The following EEIG2 variants were observed in gnomAD, a reference collection of about 807,000 sequenced individuals.
EEIG2 encodes EEIG family member 2.
At chr1:108,560,269 G>A in the EEIG2 span, 1 of 284,448 alleles carries the variant, frequency 3.5e-6, no homozygotes, top group African/African-American at 2.3e-5. Context: ...GAGAGGCGGC[G>A]GCAGCGGCCC....
chr1:108,639,279 ATAATG>A, the EEIG2 span: 4 of 150,324 alleles, frequency 2.7e-5, no homozygotes, highest in African/African-American at 7.4e-5. Context: ...AATGTTTGTA[ATAATG>A]TAAAGGTGAA....
the EEIG2 span, among the ~76,000 whole-genome samples, chr1:108,596,737 G>GTTT: frequency 2.0e-5 from 3 of 150,158 alleles, no homozygotes; most frequent in African/African-American, 7.3e-5. Context: ...CTATTTTTCT[G>GTTT]TTTTTTTGTT....
chr1:108,628,597 T>C, the EEIG2 span: 4 of 1,586,868 alleles, frequency 2.5e-6, no homozygotes, highest in Non-Finnish European at 3.4e-6. Flanking sequence ...ATCCTTTTAG[T>C]TTAAAGAATA....
the EEIG2 span, among the ~76,000 whole-genome samples, chr1:108,579,507 C>T: frequency 2.7e-5 from 4 of 146,764 alleles, no homozygotes; most frequent in African/African-American, 5.0e-5. Context: ...TTTAACACCC[C>T]ACTGTCAGCA....
the EEIG2 span, chr1:108,560,107 CGGCAGCGGCGGCGGA>C: frequency 1.6e-4 from 29 of 178,380 alleles, no homozygotes; most frequent in African/African-American, 6.6e-4. Context: ...CCCAGACGGG[CGGCAGCGGCGGCGGA>C]GGCGGCGGCG....
chr1:108,634,108 G>A, the EEIG2 span, among the ~76,000 whole-genome samples: 1 of 152,068 alleles, frequency 6.6e-6, no homozygotes, highest in Non-Finnish European at 1.5e-5. Flanking sequence ...ATATAAGGCA[G>A]GAGGGAAAAT....
chr1:108,620,801 C>G, the EEIG2 span, among the ~76,000 whole-genome samples: 1 of 152,126 alleles, frequency 6.6e-6, no homozygotes, highest in African/African-American at 2.4e-5. Flanking sequence ...TATTGATTGC[C>G]TGCCACATGC....
chr1:108,604,776 C>G, the EEIG2 span, among the ~76,000 whole-genome samples: 1 of 151,140 alleles, frequency 6.6e-6, no homozygotes, highest in Admixed American at 6.6e-5. Flanking sequence ...CACCTGTAAT[C>G]CCAGCAATTT....
chr1:108,580,937 CAGCCATCTAAGACTTTTGT>C, the EEIG2 span, among the ~76,000 whole-genome samples: 1 of 152,156 alleles, frequency 6.6e-6, no homozygotes, highest in Non-Finnish European at 1.5e-5. Flanking sequence ...GTAGACAAAA[CAGCCATCTAAGACTTTTGT>C]AGCTAGAGAG....
the EEIG2 span, chr1:108,616,252 C>T: frequency 1.5e-6 from 1 of 682,578 alleles, no homozygotes; most frequent in East Asian, 2.9e-5. Context: ...GCCTTAGCCT[C>T]CCGTGGATAT....
chr1:108,583,278 A>G, the EEIG2 span, among the ~76,000 whole-genome samples: 1 of 151,840 alleles, frequency 6.6e-6, no homozygotes. Context: ...CTGAGTAGCT[A>G]GGACTACAGG....
At chr1:108,572,578 G>A in the EEIG2 span, among the ~76,000 whole-genome samples, 2 of 151,692 alleles carry the variant, frequency 1.3e-5, no homozygotes, top group African/African-American at 2.4e-5. Context: ...CTTTTCATTC[G>A]TCTTTCTCCT....
chr1:108,635,835 G>A, the EEIG2 span: 1 of 152,314 alleles, frequency 6.6e-6, no homozygotes, highest in East Asian at 1.9e-4. Context: ...ATTAATATTA[G>A]ATGAGCTGCA....
At chr1:108,604,619 G>C in the EEIG2 span, among the ~76,000 whole-genome samples, 1 of 152,174 alleles carries the variant, frequency 6.6e-6, no homozygotes, top group African/African-American at 2.4e-5. Context: ...CGAAGAAAAT[G>C]ATGCAACAAA....
chr1:108,628,865 C>G, the EEIG2 span: 1 of 1,515,156 alleles, frequency 6.6e-7, no homozygotes, highest in Non-Finnish European at 9.0e-7. Flanking sequence ...TCTGTGTAGT[C>G]AGCAGTAAAG....
the EEIG2 span, chr1:108,636,374 G>A: frequency 3.9e-5 from 6 of 152,182 alleles, no homozygotes; most frequent in African/African-American, 9.7e-5. Flanking sequence ...TGTATAACCA[G>A]TAATTCCCCA....
At chr1:108,638,841 A>G in the EEIG2 span, 1 of 152,244 alleles carries the variant, frequency 6.6e-6, no homozygotes, top group Non-Finnish European at 1.5e-5. Flanking sequence ...TTTTTGTAAG[A>G]TAATATATAC....
At chr1:108,560,111 AGCGGCGGCGGAGGCG>A in the EEIG2 span, 1 of 173,568 alleles carries the variant, frequency 5.8e-6, no homozygotes, top group Non-Finnish European at 1.1e-5. Flanking sequence ...GACGGGCGGC[AGCGGCGGCGGAGGCG>A]GCGGCGGCGG....
chr1:108,607,549 C>T, the EEIG2 span, among the ~76,000 whole-genome samples: 5 of 152,092 alleles, frequency 3.3e-5, no homozygotes, highest in East Asian at 5.8e-4. Flanking sequence ...TGTGGCTGGG[C>T]GTGGTGGCTC....
Sources: gnomAD v4.1 joint callset for allele counts (sites outside exome capture counted in the v4.1 genomes callset) on GRCh38, gnomAD v4.1.1 for gene constraint, MANE v1.5 for transcripts, NCBI Gene and HGNC (gene_info 2026-07-23, HGNC 2026-07-21) for gene names.